Variants in MAN1C1 observed in about 807,000 individuals in gnomAD.
MAN1C1 encodes mannosidase alpha class 1C member 1, also known as mannosyl-oligosaccharide 1,2-alpha-mannosidase IC.
In MAN1C1, 49 loss-of-function variants were observed where a neutral mutation model predicts 71.5. The ratio of observed to expected loss-of-function variants is 0.69; its 90% CI spans 0.54 to 0.87. The LOEUF (loss-of-function observed/expected upper bound fraction) is 0.87, where lower values mean the gene tolerates loss of function less well. MAN1C1 is among the 40% of genes least tolerant of loss of function. The pLI, the probability that MAN1C1 is intolerant of heterozygous loss-of-function variation, is 0.00. For synonymous variants in MAN1C1, 352 were observed against 343.7 expected, an observed-to-expected ratio of 1.02 and a Z score of -0.27; for missense variants, 743 against 835.0, an observed-to-expected ratio of 0.89 and a Z score of 1.36.
chr1:25,720,697 AT>A, intron 2 of MAN1C1, among the ~76,000 whole-genome samples: 1 of 152,044 alleles, frequency 6.6e-6, no homozygotes. Flanking sequence ...CAGTGTATCG[AT>A]TTTTTTCTTT....
intron 2 of MAN1C1, among the ~76,000 whole-genome samples, chr1:25,741,025 G>A (rs969678772): frequency 3.3e-5 from 5 of 152,040 alleles, no homozygotes; most frequent in African/African-American, 1.2e-4. Context: ...GGAGGACATT[G>A]GTGTTAATCA....
intron 1 of MAN1C1, among the ~76,000 whole-genome samples, chr1:25,678,006 A>C (rs1370820107): frequency 6.6e-6 from 1 of 151,792 alleles, no homozygotes; most frequent in African/African-American, 2.4e-5. Flanking sequence ...CACATCACAA[A>C]ACCTTTCTAG....
At chr1:25,643,116 G>T (rs572864959) in intron 1 of MAN1C1, among the ~76,000 whole-genome samples, 1 of 152,164 alleles carries the variant, frequency 6.6e-6, no homozygotes, top group African/African-American at 2.4e-5. Flanking sequence ...CTCCCAGGTG[G>T]ACGCCATTTC....
intron 7 of MAN1C1, among the ~76,000 whole-genome samples, chr1:25,768,538 C>A (rs2047491500): frequency 2.7e-5 from 3 of 112,328 alleles, no homozygotes; most frequent in Non-Finnish European, 5.8e-5. Context: ...ACACTCCCCT[C>A]ACACACACCA....
intron 3 of MAN1C1, among the ~76,000 whole-genome samples, chr1:25,748,390 C>T (rs760564168): frequency 1.3e-5 from 2 of 152,130 alleles, no homozygotes; most frequent in Non-Finnish European, 2.9e-5. Context: ...GTAATAAAGA[C>T]GATGGTGTGC....
chr1:25,781,959 T>C (rs1277077994), intron 10 of MAN1C1, among the ~76,000 whole-genome samples: 2 of 152,196 alleles, frequency 1.3e-5, no homozygotes, highest in Non-Finnish European at 2.9e-5. Flanking sequence ...GACGCACGCC[T>C]ATAGTCCCAG....
chr1:25,740,115 C>T (rs2047040182), intron 2 of MAN1C1, among the ~76,000 whole-genome samples: 2 of 152,118 alleles, frequency 1.3e-5, no homozygotes, highest in African/African-American at 4.8e-5. Context: ...AAAGCAGATC[C>T]GTGCGTGATG....
At chr1:25,709,526 G>A (rs2046574210) in intron 2 of MAN1C1, 1 of 152,138 alleles carries the variant, frequency 6.6e-6, no homozygotes, top group Non-Finnish European at 1.5e-5. Context: ...TCTTACCCAG[G>A]GCTCTGTGAG....
At chr1:25,697,904 T>G (rs1481387047) in intron 2 of MAN1C1, among the ~76,000 whole-genome samples, 1 of 152,194 alleles carries the variant, frequency 6.6e-6, no homozygotes, top group East Asian at 1.9e-4. Flanking sequence ...TGTCAGTATG[T>G]TTAACTTTCG....
chr1:25,620,488 C>A (rs1486362550), intron 1 of MAN1C1, among the ~76,000 whole-genome samples: 1 of 152,214 alleles, frequency 6.6e-6, no homozygotes. Context: ...ACCATTCCTG[C>A]TGTCCCACCC....
intron 1 of MAN1C1, among the ~76,000 whole-genome samples, chr1:25,637,003 A>C (rs778764114): frequency 1.3e-5 from 2 of 151,840 alleles, no homozygotes; most frequent in Non-Finnish European, 2.9e-5. Context: ...AAAAATACAA[A>C]AATTTGCCGG....
intron 1 of MAN1C1, among the ~76,000 whole-genome samples, chr1:25,618,555 C>T (rs1232454028): frequency 6.6e-6 from 1 of 152,004 alleles, no homozygotes; most frequent in Non-Finnish European, 1.5e-5. Context: ...GTTAATCGTC[C>T]CCACCGTGAC....
intron 1 of MAN1C1, among the ~76,000 whole-genome samples, chr1:25,627,900 A>G (rs557242818): frequency 6.6e-6 from 1 of 151,726 alleles, no homozygotes; most frequent in South Asian, 2.1e-4. Flanking sequence ...AAAATTATCC[A>G]GGCATGATGA....
chr1:25,772,603 T>C (rs972610742), intron 8 of MAN1C1, among the ~76,000 whole-genome samples: 2 of 152,196 alleles, frequency 1.3e-5, no homozygotes, highest in African/African-American at 4.8e-5. Context: ...ACCACCTTGG[T>C]CTACACTACC....
rs1366841704 is a variant in MAN1C1, at chr1:25,769,293, A to G, written c.1142-2364A>G. On this transcript the variant is annotated intron_variant, in intron 7 of 11. Transcript: ENST00000374332. This position sits in a 1 kb window ranked among gnomAD's most constrained non-coding sequence, Gnocchi z 4.8. ...TCCCTACACACACATCCACACACCC[A>G]TACCCCTCAGCACACACACACGCCC... is the stretch of plus-strand genomic sequence containing the variant. 6.7e-6 allele frequency among the ~76,000 whole-genome samples: 1 copy of G among 149,840 alleles called. No homozygotes were observed. The highest frequency in any genetic ancestry group is 1.5e-5 in the Non-Finnish European group (1 of 67,452).
intron 1 of MAN1C1, among the ~76,000 whole-genome samples, chr1:25,678,355 C>G (rs973380648): frequency 5.3e-5 from 8 of 152,238 alleles, no homozygotes; most frequent in Admixed American, 4.6e-4. Flanking sequence ...CTGAACTGGC[C>G]AAATCAAATG....
rs1042279206 is a variant in MAN1C1, at chr1:25,616,806, G to A, written c.-992G>A. 3.4e-5 allele frequency among the ~76,000 whole-genome samples: 5 copies of A among 147,294 alleles called. No individual in the cohort carries two copies. The highest frequency in any genetic ancestry group is 6.0e-5 in the Non-Finnish European group (4 of 66,146). ...GCGCTGTCGCAGTGAAAGCCCGAGCGGCGGCGGCGGCGGGGACGGCGGTGG... is the reference window on the plus strand; with the variant it reads ...GCGCTGTCGCAGTGAAAGCCCGAGCAGCGGCGGCGGCGGGGACGGCGGTGG... On this transcript the variant is annotated 5_prime_UTR_variant, in exon 1 of 12. Transcript: ENST00000374332. The surrounding 1 kb of genome is among the most constrained non-coding windows in gnomAD (Gnocchi z 5.6).
At chr1:25,716,729 T>C (rs1222357106) in intron 2 of MAN1C1, among the ~76,000 whole-genome samples, 1 of 152,252 alleles carries the variant, frequency 6.6e-6, no homozygotes, top group East Asian at 1.9e-4. Context: ...TTAAATCCAC[T>C]GTATTAAAGT....
At chr1:25,691,801 A>C (rs919610876) in intron 2 of MAN1C1, among the ~76,000 whole-genome samples, 1 of 152,170 alleles carries the variant, frequency 6.6e-6, no homozygotes, top group Non-Finnish European at 1.5e-5. Context: ...CTTACACTGG[A>C]ACTTTTAACA....
Sources: gnomAD v4.1 joint callset for allele counts (sites outside exome capture counted in the v4.1 genomes callset) on GRCh38, gnomAD v4.1.1 for gene constraint, Gnocchi (gnomAD v3.1) non-coding constraint, MANE v1.5 for transcripts, NCBI Gene and HGNC (gene_info 2026-07-23, HGNC 2026-07-21) for gene names.